The following SPINT1 variants were observed in gnomAD, a reference collection of about 807,000 sequenced individuals.
SPINT1 encodes kunitz-type protease inhibitor 1.
SPINT1 carries 38 observed loss-of-function variants against 53.7 expected under a neutral mutation model. That is an observed-to-expected ratio of 0.71 (90% CI 0.55 to 0.93). The LOEUF is 0.93. Ranked by LOEUF, SPINT1 falls within the 40% of genes least tolerant of loss-of-function variation. The pLI, the probability that SPINT1 is intolerant of heterozygous loss-of-function variation, is 0.00. For synonymous variants in SPINT1, 283 were observed against 280.6 expected, an observed-to-expected ratio of 1.01 and a Z score of -0.08; for missense variants, 645 against 692.9, an observed-to-expected ratio of 0.93 and a Z score of 0.78.
intron 2 of SPINT1, among the ~76,000 whole-genome samples, chr15:40,845,302 C>G (rs977033567): frequency 3.4e-5 from 5 of 146,776 alleles, no homozygotes; most frequent in Non-Finnish European, 7.4e-5. Flanking sequence ...CAGGCACCCG[C>G]TACCAGACCC....
chr15:40,853,812 G>A lies in SPINT1; in HGVS notation c.844G>A (p.Gly282Ser). The A allele has an allele frequency of 6.2e-7, 1 of 1,614,232 alleles. No individual in the cohort carries two copies. The highest frequency in any genetic ancestry group is 2.2e-5 in the East Asian group (1 of 44,888). The change falls in exon 5 of 11, where the codon GGC becomes AGC. Residue 282 changes from glycine (G) to serine (S), a missense_variant. Gly to Ser is a moderately conservative substitution (Grantham distance 56). Transcript: ENST00000562057. ...EQICKSFVYG[G>S]CLGNKNNYLR... ...GATCTGCAAGAGTTTCGTTTATGGAGGCTGCTTGGGCAACAAGAACAACTA... is the reference window on the plus strand; with the variant it reads ...GATCTGCAAGAGTTTCGTTTATGGAAGCTGCTTGGGCAACAAGAACAACTA...
chr15:40,850,815 C>T (rs552568026), intron 2 of SPINT1, among the ~76,000 whole-genome samples: 2 of 152,224 alleles, frequency 1.3e-5, no homozygotes, highest in Non-Finnish European at 2.9e-5. Context: ...CCACAGAATG[C>T]TTCCAAACAG....
intron 2 of SPINT1, among the ~76,000 whole-genome samples, chr15:40,848,026 C>G (rs527978841): frequency 1.3e-5 from 2 of 152,330 alleles, no homozygotes; most frequent in South Asian, 4.1e-4. Context: ...CTTTTCGTTC[C>G]TGCTCATCCC....
At chr15:40,845,273 TC>T (rs1047439752) in intron 2 of SPINT1, among the ~76,000 whole-genome samples, 37 of 147,236 alleles carry the variant, frequency 2.5e-4, no homozygotes, top group Non-Finnish European at 5.2e-4. Context: ...TGTCTCAGCC[TC>T]CGGAGTAGCT....
intron 2 of SPINT1, among the ~76,000 whole-genome samples, chr15:40,846,251 C>T (rs1891292633): frequency 1.3e-5 from 2 of 152,166 alleles, no homozygotes; most frequent in South Asian, 4.1e-4. Context: ...GGGATCAGGG[C>T]CAGTCCAGAG....
rs780664488 is a variant in SPINT1 at position 40,844,584 on chromosome 15, C to T, written c.30C>T (p.Ala10=). The T allele has an allele frequency of 1.9e-6, 3 of 1,609,664 alleles. No individual in the cohort carries two copies. The highest frequency in any genetic ancestry group is 2.5e-6 in the Non-Finnish European group (3 of 1,178,890). Residue 10 remains alanine (A), a synonymous_variant, in exon 2 of 11, where the codon GCC becomes GCT. Transcript: ENST00000562057. This position sits in a 1 kb window ranked among gnomAD's most constrained non-coding sequence, Gnocchi z 5.8. The part of the protein sequence containing the change: MAPARTMAR[A]RLAPAGIPAV... ...CCCCTGCGAGGACGATGGCCCGCGC[C>T]CGCCTCGCCCCGGCCGGCATCCCTG...
chr15:40,847,777 CCT>C (rs1891340147), intron 2 of SPINT1, among the ~76,000 whole-genome samples: 1 of 152,120 alleles, frequency 6.6e-6, no homozygotes, highest in Non-Finnish European at 1.5e-5. Flanking sequence ...GGATTCAGCC[CCT>C]GATTCAGCTC....
intron 2 of SPINT1, 61 bp downstream of exon 2, chr15:40,845,090 G>A: frequency 7.3e-7 from 1 of 1,372,890 alleles, no homozygotes; most frequent in East Asian, 2.3e-5. Flanking sequence ...TGGTTATGGG[G>A]TCCTAGGGGA....
At chr15:40,852,210 C>T (rs1009556943) in intron 2 of SPINT1, among the ~76,000 whole-genome samples, 2 of 152,208 alleles carry the variant, frequency 1.3e-5, no homozygotes, top group African/African-American at 4.8e-5. Context: ...GTCTCTGCCT[C>T]TGTCTTCGCG....
Position 40,844,858 on chromosome 15 carries a change from G to C in SPINT1, c.304G>C (p.Val102Leu). 6.2e-7 allele frequency: 1 copy of C among 1,613,902 alleles called. No homozygotes were observed. The highest frequency in any genetic ancestry group is 8.5e-7 in the Non-Finnish European group (1 of 1,180,022). The change falls in exon 2 of 11, where the codon GTG becomes CTG. Residue 102 changes from valine (V) to leucine (L), a missense_variant. By Grantham distance (32) the Val-to-Leu change is conservative (BLOSUM62 1). Coordinates refer to ENST00000562057, the MANE Select transcript of SPINT1 (RefSeq NM_003710.4). This position sits in a 1 kb window ranked among gnomAD's most constrained non-coding sequence, Gnocchi z 5.8. Reference protein sequence around the residue: ...CTTQNCNLALVELQPDRGEDA... With the variant: ...CTTQNCNLALLELQPDRGEDA... ...CACCCAGAACTGCAACTTGGCGCTA[G>C]TGGAGCTGCAGCCCGACCGCGGGGA...
intron 8 of SPINT1, 94 bp from the exon 9 acceptor site, chr15:40,855,798 T>G (rs1596155071): frequency 8.0e-6 from 11 of 1,372,304 alleles, no homozygotes; most frequent in Non-Finnish European, 8.0e-6. Flanking sequence ...CCATGGCAGG[T>G]GGGGAGGTGC....
chr15:40,844,444 G>A lies in SPINT1; in HGVS notation c.-65-46G>A. On this transcript the variant is annotated intron_variant, in intron 1 of 10. Coordinates refer to ENST00000562057, the MANE Select transcript of SPINT1 (RefSeq NM_003710.4). The surrounding 1 kb of genome is among the most constrained non-coding windows in gnomAD (Gnocchi z 5.8). ...GGCCCGCCTCCTCCAAAGTCTCCCG[G>A]GCTGATCAGGTGTGTCTCCTCCTCT... 1 of 1,129,914 alleles carries A rather than the reference G, an allele frequency of 8.9e-7. No individual in the cohort carries two copies. The highest frequency in any genetic ancestry group is 1.6e-5 in the African/African-American group (1 of 64,244). 70.0% of individuals were successfully genotyped at this position (1,129,914 alleles called of 1,614,324 possible).
rs370356137 is a variant in SPINT1, at chr15:40,855,631, C to T, written c.1118-261C>T. ...CCACCCAGTGTTGGAAAACTGAGACCGTGACCCAGTCAGAAAAGCTGAAAG... is the reference window on the plus strand; with the variant it reads ...CCACCCAGTGTTGGAAAACTGAGACTGTGACCCAGTCAGAAAAGCTGAAAG... On this transcript the variant is annotated intron_variant, in intron 8 of 10. Coordinates refer to ENST00000562057, the MANE Select transcript of SPINT1 (RefSeq NM_003710.4). Among the ~76,000 whole-genome samples the T allele has an allele frequency of 5.5e-4, 84 of 152,310 alleles. 1 individual carries two copies. In the South Asian group the frequency reaches 0.011, roughly 20 times the overall value.
intron 2 of SPINT1, among the ~76,000 whole-genome samples, chr15:40,851,066 C>T (rs953878403): frequency 8.5e-5 from 13 of 152,150 alleles, no homozygotes; most frequent in African/African-American, 1.4e-4. Flanking sequence ...GCCTCCAGGA[C>T]GCTTTAAGAT....
rs1368970272 is a variant in SPINT1, at chr15:40,854,700, C to T, written c.1117+11C>T. On this transcript the variant is annotated intron_variant, in intron 8 of 10. Coordinates refer to ENST00000562057, the MANE Select transcript of SPINT1 (RefSeq NM_003710.4). ...TCCCCAGTGACAAAGGTGAGATCCTCCCCAGGTGCCCTGGATCAGGGCAGA... is the reference window on the plus strand; with the variant it reads ...TCCCCAGTGACAAAGGTGAGATCCTTCCCAGGTGCCCTGGATCAGGGCAGA... 1 of 1,613,950 alleles carries T rather than the reference C, an allele frequency of 6.2e-7. No homozygotes were observed. Among genetic ancestry groups the T allele is most frequent in the South Asian group, 1.1e-5 (1 of 91,076 alleles).
chr15:40,855,188 G>A (rs1273863665), intron 8 of SPINT1, among the ~76,000 whole-genome samples: 2 of 151,194 alleles, frequency 1.3e-5, no homozygotes, highest in African/African-American at 4.9e-5. Flanking sequence ...CAAGACCAGC[G>A]TGGGCAATAT....
At chr15:40,850,772 C>T (rs1010212392) in intron 2 of SPINT1, among the ~76,000 whole-genome samples, 4 of 152,176 alleles carry the variant, frequency 2.6e-5, no homozygotes, top group African/African-American at 9.7e-5. Flanking sequence ...TGCCCTGGAC[C>T]GCTGCACTGG....
intron 2 of SPINT1, among the ~76,000 whole-genome samples, chr15:40,852,752 C>T (rs1891497701): frequency 6.6e-6 from 1 of 151,042 alleles, no homozygotes. Flanking sequence ...ACCTTTAGTC[C>T]CAGCTACTCA....
In SPINT1 at chr15:40,857,310, C is replaced by T; in HGVS notation, c.*335C>T. On this transcript the variant is annotated 3_prime_UTR_variant, in exon 11 of 11. Transcript: ENST00000562057. Reference sequence around the variant, plus strand: ...GCTAGGAAGAGGAGTGGGGTGGTGTCAGACCCTGGAGGCCCCAACCCTGTC... The same window carrying T: ...GCTAGGAAGAGGAGTGGGGTGGTGTTAGACCCTGGAGGCCCCAACCCTGTC... 1 of 325,934 alleles carries T rather than the reference C, an allele frequency of 3.1e-6. No individual in the cohort carries two copies. 20.2% of individuals were successfully genotyped at this position (325,934 alleles called of 1,614,324 possible).
Sources: gnomAD v4.1 joint callset for allele counts (sites outside exome capture counted in the v4.1 genomes callset) on GRCh38, gnomAD v4.1.1 for gene constraint, Gnocchi (gnomAD v3.1) non-coding constraint, MANE v1.5 for transcripts, NCBI Gene and HGNC (gene_info 2026-07-23, HGNC 2026-07-21) for gene names.